Variants in NRIP2 observed in about 807,000 individuals in gnomAD.
The protein encoded by NRIP2 is nuclear receptor-interacting protein 2.
Under a neutral mutation model 34.1 loss-of-function variants are expected in NRIP2, and 27 were observed. The ratio of observed to expected loss-of-function variants is 0.79; its 90% confidence interval spans 0.58 to 1.09. NRIP2 has a LOEUF of 1.09. NRIP2 is among the 50% of genes least tolerant of loss of function. The pLI, the probability that NRIP2 is intolerant of heterozygous loss-of-function variation, is 0.00. For synonymous variants in NRIP2, 145 were observed against 146.9 expected (o/e 0.99, Z 0.09); for missense variants, 385 against 352.6 (o/e 1.09, Z -0.74).
At chr12:2,828,130 A>C in intron 3 of NRIP2, 83 bp from the exon 4 acceptor site, 1 of 1,372,700 alleles carries the variant, frequency 7.3e-7, no homozygotes, top group Non-Finnish European at 1.0e-6. Context: ...CCTCTCTACT[A>C]TGGTTTCATC....
At position 2,834,868 on chromosome 12, in the gene NRIP2, G is replaced by A. The variant is rs61735301; in HGVS notation, c.116C>T (p.Pro39Leu). ...RSREDSVTPP[P>L]SSPWPTPPAG... ...TGGAGGAGTGGGCCAGGGGCTGCTCGGTGGGGGCGTCACCGAGTCCTCTCT... is the reference window on the plus strand; with the variant it reads ...TGGAGGAGTGGGCCAGGGGCTGCTCAGTGGGGGCGTCACCGAGTCCTCTCT... Residue 39 changes from proline (P) to leucine (L), a missense_variant, in exon 1 of 6, where the codon CCG (proline) becomes CTG (leucine). Physicochemically the swap from Pro to Leu is moderately conservative, Grantham distance 98. Coordinates refer to ENST00000337508, the MANE Select transcript of NRIP2 (RefSeq NM_031474.3). 8.7e-6 allele frequency: 14 copies of A among 1,613,734 alleles called. No homozygotes were observed. Among genetic ancestry groups the A allele is most frequent in the African/African-American group, 5.3e-5 (4 of 74,826 alleles).
intron 1 of NRIP2, among the ~76,000 whole-genome samples, chr12:2,831,887 G>A (rs1396059485): frequency 6.6e-6 from 1 of 152,088 alleles, no homozygotes; most frequent in Non-Finnish European, 1.5e-5. Context: ...ATATGCCACA[G>A]TACCTGGCCT....
rs1160811474 is a variant in NRIP2, at chr12:2,827,222, T to G, written c.831A>C (p.Gln277His). The change falls in exon 6 of 6, where the codon CAA becomes CAC. Residue 277 changes from glutamine (Q) to histidine (H), a missense_variant. Gln to His is a conservative substitution (Grantham distance 24, BLOSUM62 0). Transcript: ENST00000337508. The surrounding 1 kb of genome is among the most constrained non-coding windows in gnomAD (Gnocchi z 4.0). ...GAGACAGCAGTCACTGGCCAGGCTC[T>G]TGGTACAAAGGCAGGAAGGGTAGCT... ...FSELPFLPLY[Q>H]EPGQ 6.2e-7 allele frequency: 1 copy of G among 1,614,136 alleles called. No homozygotes were observed.
intron 2 of NRIP2, among the ~76,000 whole-genome samples, chr12:2,829,158 G>A (rs2153925871): frequency 6.6e-6 from 1 of 152,286 alleles, no homozygotes; most frequent in African/African-American, 2.4e-5. Context: ...GGAGTTTGAT[G>A]GCCTCCTGGT....
chr12:2,831,800 C>T (rs1373103843), intron 1 of NRIP2, among the ~76,000 whole-genome samples: 1 of 152,004 alleles, frequency 6.6e-6, no homozygotes, highest in Non-Finnish European at 1.5e-5. Context: ...TCTTGCTATG[C>T]TGCCCAGACT....
Position 2,825,621 on chromosome 12 carries a change from G to C in NRIP2, c.*1586C>G, listed in dbSNP as rs945137725. 1 of 153,208 alleles carries C rather than the reference G, an allele frequency of 6.5e-6. No homozygotes were observed. The highest frequency in any genetic ancestry group is 2.4e-5 in the African/African-American group (1 of 41,448). The allele number at this position is 153,208 out of a possible 1,614,324, so 9.5% of individuals were successfully genotyped here. A position where few individuals can be genotyped will look rare whatever the true frequency, so the allele number is the denominator to read the frequency against. On this transcript the variant is annotated 3_prime_UTR_variant, in exon 6 of 6. Transcript: ENST00000337508. ...GAGAAAGGGCAGGGGAGGCAGCTGA[G>C]AAAGGGCAGGCCAGGTGTCACAGGC...
At position 2,826,912 on chromosome 12, in the gene NRIP2, G is replaced by T; in HGVS notation, c.*295C>A. On this transcript the variant is annotated 3_prime_UTR_variant, in exon 6 of 6. Transcript: ENST00000337508. ...CCAGCCCAAGCAGGCACCCCATTGT[G>T]CTTAGGTTCCTATCTGTGGTCTTGA... 8.9e-7 allele frequency: 1 copy of T among 1,127,664 alleles called. No individual in the cohort carries two copies. The highest frequency in any genetic ancestry group is 1.1e-6 in the Non-Finnish European group (1 of 887,154). 69.9% of individuals were successfully genotyped at this position (1,127,664 alleles called of 1,614,324 possible).
At chr12:2,834,615 G>C in intron 1 of NRIP2, 27 bp downstream of exon 1, 1 of 1,544,810 alleles carries the variant, frequency 6.5e-7, no homozygotes, top group Non-Finnish European at 8.7e-7. Context: ...GCCAGGGGAC[G>C]CTGGCAGGGG....
intron 1 of NRIP2, among the ~76,000 whole-genome samples, chr12:2,831,599 A>G (rs972208639): frequency 1.3e-5 from 2 of 151,828 alleles, no homozygotes; most frequent in Non-Finnish European, 2.9e-5. Flanking sequence ...AAAAAACCAA[A>G]CAAAAAAAAC....
At chr12:2,830,515 G>C in intron 2 of NRIP2, 193 bp downstream of exon 2, 1 of 538,714 alleles carries the variant, frequency 1.9e-6, no homozygotes, top group Non-Finnish European at 3.3e-6. Flanking sequence ...GGTGACAGAT[G>C]GAGTTGCACC....
In NRIP2 at chr12:2,828,233, T is replaced by C. The variant is rs771186141; in HGVS notation, c.578+99A>G. On this transcript the variant is annotated intron_variant, in intron 3 of 5. Transcript: ENST00000337508. The stretch of plus-strand genomic sequence containing the variant: ...TTGTTAAATAACAGCTTTATTGAGA[T>C]AAAATATGCAACTGTCGTCACTATC... 5 of 1,225,068 alleles carry C rather than the reference T, an allele frequency of 4.1e-6. No individual in the cohort carries two copies. The East Asian group carries it at 1.2e-4, about 28-fold the overall frequency. The allele number at this position is 1,225,068 out of a possible 1,614,324, so 75.9% of individuals were successfully genotyped here. A position where few individuals can be genotyped will look rare whatever the true frequency, so the allele number is the denominator to read the frequency against.
At chr12:2,829,885 C>T (rs2097991575) in intron 2 of NRIP2, among the ~76,000 whole-genome samples, 4 of 152,032 alleles carry the variant, frequency 2.6e-5, no homozygotes, top group Admixed American at 2.6e-4. Flanking sequence ...TGAGACCAGC[C>T]TGACCAACCT....
At chr12:2,831,611 C>G (rs188781977) in intron 1 of NRIP2, among the ~76,000 whole-genome samples, 1 of 151,976 alleles carries the variant, frequency 6.6e-6, no homozygotes, top group Admixed American at 6.6e-5. Context: ...AAAAAAAACT[C>G]TTAAGAACTA....
rs575280428 is a variant in NRIP2 at position 2,826,987 on chromosome 12, TG to T, written c.*219del. On this transcript the variant is annotated 3_prime_UTR_variant, in exon 6 of 6. Transcript: ENST00000337508. ...AAGATGAATCAGAATCCTGGCATCG[TG>T]GGCCCTCTAGTGAAAACTCGTCCTG... is the stretch of plus-strand genomic sequence containing the variant. The T allele has an allele frequency of 5.3e-5, 72 of 1,371,204 alleles. No homozygotes were observed. The African/African-American group carries it at 8.2e-4, about 16-fold the overall frequency. 84.9% of individuals were successfully genotyped at this position (1,371,204 alleles called of 1,614,324 possible).
intron 2 of NRIP2, among the ~76,000 whole-genome samples, chr12:2,829,420 T>C (rs1025470809): frequency 6.6e-6 from 1 of 152,118 alleles, no homozygotes; most frequent in Admixed American, 6.6e-5. Context: ...TCTTCAGGAG[T>C]CTAAAGGAAG....
At position 2,831,757 on chromosome 12, in the gene NRIP2, TTTTC is replaced by T. The variant is rs138937616; in HGVS notation, c.343-901_343-898del. Reference sequence around the variant, plus strand: ...CTCCTTTCCTTCTCTCTCTTCTTTCTTTTCTTTCTTTTTCTTTTCTTTCAAGATG... The same window carrying T: ...CTCCTTTCCTTCTCTCTCTTCTTTCTTTTCTTTTTCTTTTCTTTCAAGATG... On this transcript the variant is annotated intron_variant, in intron 1 of 5. Coordinates refer to ENST00000337508, the MANE Select transcript of NRIP2 (RefSeq NM_031474.3). Among the ~76,000 whole-genome samples, 451 of 152,226 alleles carry T rather than the reference TTTTC, an allele frequency of 3.0e-3. 10 individuals are homozygous for T. Among genetic ancestry groups the T allele is most frequent in the African/African-American group, 0.011 (439 of 41,562 alleles).
In NRIP2 at chr12:2,828,056, G is replaced by A. The variant is rs998234233; in HGVS notation, c.579-9C>T. ...GGACCCTTTTCTCTAACCTGTGGTT[G>A]GGAAGCAAGGGTTATGGCTACCACA... On this transcript the variant is annotated splice_polypyrimidine_tract_variant and intron_variant, in intron 3 of 5. Coordinates refer to ENST00000337508, the MANE Select transcript of NRIP2 (RefSeq NM_031474.3). The A allele has an allele frequency of 6.2e-7, 1 of 1,608,910 alleles. No homozygotes were observed. Among genetic ancestry groups the A allele is most frequent in the Non-Finnish European group, 8.5e-7 (1 of 1,176,432 alleles).
rs770761259 is a variant in NRIP2 at position 2,828,420 on chromosome 12, AAAG to A, written c.496-9_496-7del. 1.2e-6 allele frequency: 2 copies of A among 1,612,518 alleles called. No individual in the cohort carries two copies. Among genetic ancestry groups the A allele is most frequent in the Admixed American group, 1.7e-5 (1 of 59,802 alleles). On this transcript the variant is annotated splice_region_variant and splice_polypyrimidine_tract_variant and intron_variant, in intron 2 of 5. Transcript: ENST00000337508. ...CTAAGCAGCTGGTCCTGGCACTAAG[AAAG>A]AAGAATCGTGGTGAATCAGTGAGTC...
Position 2,830,813 on chromosome 12 carries a change from A to G in NRIP2, c.390T>C (p.Asn130=), listed in dbSNP as rs113843908. The change falls in exon 2 of 6, where the codon AAT becomes AAC. Residue 130 remains asparagine, a synonymous_variant. Coordinates refer to ENST00000337508, the MANE Select transcript of NRIP2 (RefSeq NM_031474.3). The part of the protein sequence containing the change: ...IQRRLVEGNP[N]WLQGEPPRMQ... ...TCCGGGGAGGCTCCCCCTGAAGCCA[A>G]TTCGGGTTTCCCTCCACCAGGCGTC... The G allele has an allele frequency of 3.8e-5, 62 of 1,613,722 alleles. No individual in the cohort carries two copies. The highest frequency in any genetic ancestry group is 2.5e-4 in the African/African-American group (19 of 75,000).
Sources: gnomAD v4.1 joint callset for allele counts (sites outside exome capture counted in the v4.1 genomes callset) on GRCh38, gnomAD v4.1.1 for gene constraint, Gnocchi (gnomAD v3.1) non-coding constraint, MANE v1.5 for transcripts, NCBI Gene and HGNC (gene_info 2026-07-23, HGNC 2026-07-21) for gene names.